SVOP: variants seen among roughly 807,000 people sequenced by gnomAD.
The protein encoded by SVOP is SV2 related protein, also known as synaptic vesicle 2-related protein.
In SVOP, 17 loss-of-function variants were observed where a neutral mutation model predicts 69.1. That is an observed-to-expected ratio of 0.25 (90% confidence interval 0.17 to 0.37). The LOEUF (loss-of-function observed/expected upper bound fraction) is 0.37. Among genes scored for constraint, SVOP ranks in the 10% least tolerant of loss-of-function variants. The pLI is 1.00. For synonymous variants in SVOP, 238 were observed against 238.6 expected, an observed-to-expected ratio of 1.00 and a Z score of 0.02; for missense variants, 435 against 597.5, an observed-to-expected ratio of 0.73 and a Z score of 2.84.
intron 11 of SVOP, among the ~76,000 whole-genome samples, chr12:108,930,598 C>G (rs1283407926): frequency 6.6e-6 from 1 of 152,090 alleles, no homozygotes; most frequent in Non-Finnish European, 1.5e-5. Flanking sequence ...CCACACTCAG[C>G]TAATTTTTGT....
chr12:108,949,963 C>T (rs551065740), intron 6 of SVOP, among the ~76,000 whole-genome samples: 2 of 152,318 alleles, frequency 1.3e-5, no homozygotes, highest in East Asian at 3.9e-4. Flanking sequence ...GGACCTGCGG[C>T]TGAGTCTCCC....
chr12:109,018,159 T>A (rs1319375126), intron 1 of SVOP, among the ~76,000 whole-genome samples: 1 of 152,168 alleles, frequency 6.6e-6, no homozygotes. Flanking sequence ...TCTGCAAACT[T>A]GCTTTCAAGA....
chr12:108,940,030 C>T (rs916902224), intron 8 of SVOP, among the ~76,000 whole-genome samples: 3 of 152,314 alleles, frequency 2.0e-5, no homozygotes, highest in South Asian at 2.1e-4. Flanking sequence ...AAGCTCCTAT[C>T]GTGCTGTTAC....
chr12:108,932,148 T>G (rs2039824162), intron 11 of SVOP, among the ~76,000 whole-genome samples: 1 of 152,032 alleles, frequency 6.6e-6, no homozygotes, highest in African/African-American at 2.4e-5. Context: ...AGCTAGTAGC[T>G]AGGACTACAG....
chr12:108,988,537 T>C (rs532627316), intron 1 of SVOP, among the ~76,000 whole-genome samples: 3 of 152,308 alleles, frequency 2.0e-5, no homozygotes, highest in Admixed American at 2.0e-4. Flanking sequence ...AATCAAATCA[T>C]ATGATTCGAG....
chr12:108,930,493 A>G (rs888830731), intron 11 of SVOP, among the ~76,000 whole-genome samples: 3 of 144,864 alleles, frequency 2.1e-5, no homozygotes, highest in African/African-American at 7.8e-5. Context: ...GCTGGAGTGC[A>G]GTGGCGTCTT....
chr12:108,982,195 T>A (rs1267638305), intron 2 of SVOP, among the ~76,000 whole-genome samples: 1 of 151,002 alleles, frequency 6.6e-6, no homozygotes, highest in Non-Finnish European at 1.5e-5. Context: ...ATCATCACCA[T>A]CATCATGATC....
intron 1 of SVOP, among the ~76,000 whole-genome samples, chr12:109,004,518 A>T (rs1486059903): frequency 6.9e-6 from 1 of 145,168 alleles, no homozygotes; most frequent in Non-Finnish European, 1.5e-5. Context: ...CAATCCTCTC[A>T]CCTCAGCTCC....
At chr12:108,948,231 C>T (rs2039935669) in intron 6 of SVOP, among the ~76,000 whole-genome samples, 1 of 152,186 alleles carries the variant, frequency 6.6e-6, no homozygotes, top group Non-Finnish European at 1.5e-5. Context: ...CTGTATCTTT[C>T]TCTTAGCATC....
intron 1 of SVOP, among the ~76,000 whole-genome samples, chr12:109,005,721 A>G (rs898993406): frequency 1.3e-5 from 2 of 152,178 alleles, no homozygotes; most frequent in Admixed American, 1.3e-4. Flanking sequence ...CCTAAAGAAA[A>G]AAAGTGAGTG....
intron 10 of SVOP, among the ~76,000 whole-genome samples, chr12:108,936,222 T>A (rs2039855616): frequency 6.6e-6 from 1 of 151,994 alleles, no homozygotes. Context: ...ATTTTTGTAT[T>A]TTAGTAGAGA....
intron 7 of SVOP, among the ~76,000 whole-genome samples, chr12:108,943,442 A>C (rs1207736741): frequency 6.9e-6 from 1 of 145,470 alleles, no homozygotes; most frequent in Non-Finnish European, 1.5e-5. Flanking sequence ...TAAAAATACA[A>C]AAAAAAATTA....
intron 1 of SVOP, among the ~76,000 whole-genome samples, chr12:109,006,608 C>G (rs1267419546): frequency 6.6e-6 from 1 of 152,074 alleles, no homozygotes; most frequent in Admixed American, 6.6e-5. Flanking sequence ...AGGCTGCCGG[C>G]TTAGGTTCGG....
chr12:108,954,073 C>T (rs2039972415), intron 6 of SVOP, among the ~76,000 whole-genome samples: 2 of 140,316 alleles, frequency 1.4e-5, no homozygotes. Flanking sequence ...GATATCACAC[C>T]ACTGCACTCC....
chr12:109,001,078 C>G (rs938198641), intron 1 of SVOP, among the ~76,000 whole-genome samples: 2 of 141,714 alleles, frequency 1.4e-5, no homozygotes, highest in African/African-American at 2.6e-5. Flanking sequence ...GTCTCAGCCC[C>G]AAATCTCCTT....
chr12:108,992,873 G>A (rs1566064579), intron 1 of SVOP, among the ~76,000 whole-genome samples: 1 of 151,786 alleles, frequency 6.6e-6, no homozygotes. Context: ...GGTTAAGATG[G>A]AAAAAAATAA....
At chr12:108,993,309 C>T (rs957277260) in intron 1 of SVOP, among the ~76,000 whole-genome samples, 6 of 147,746 alleles carry the variant, frequency 4.1e-5, no homozygotes, top group African/African-American at 1.5e-4. Context: ...TGCCCAGCTG[C>T]AAGACCCCAT....
chr12:108,976,708 C>T (rs1291258124), intron 4 of SVOP, among the ~76,000 whole-genome samples: 6 of 151,814 alleles, frequency 4.0e-5, no homozygotes, highest in South Asian at 2.1e-4. Context: ...CTCTGCCTCC[C>T]GGATTCAAGC....
At chr12:109,003,970 G>A (rs534073426) in intron 1 of SVOP, among the ~76,000 whole-genome samples, 2 of 152,224 alleles carry the variant, frequency 1.3e-5, no homozygotes, top group East Asian at 3.9e-4. Flanking sequence ...AAAAAGCGAG[G>A]GCACCTTTGT....
Sources: allele counts gnomAD v4.1 joint callset (sites outside exome capture counted in the v4.1 genomes callset), GRCh38; gene constraint gnomAD v4.1.1; transcripts MANE v1.5; gene names NCBI Gene and HGNC (gene_info 2026-07-23, HGNC 2026-07-21).